Variants in ECPAS observed in about 807,000 individuals in gnomAD.
ECPAS encodes Ecm29 proteasome adaptor and scaffold, also known as proteasome adapter and scaffold protein ECM29.
In ECPAS, 70 loss-of-function variants were observed where a neutral mutation model predicts 255.1. The observed-to-expected ratio is 0.27, with a 90% CI of 0.23 to 0.33. The LOEUF (loss-of-function observed/expected upper bound fraction) is 0.33. Among genes scored for constraint, ECPAS ranks in the 10% least tolerant of loss-of-function variants. ECPAS has a pLI of 1.00. For missense variants in ECPAS, 1,817 were observed against 2,206.4 expected, an observed-to-expected ratio of 0.82 and a Z score of 3.54; for synonymous variants, 784 against 775.0, an observed-to-expected ratio of 1.01 and a Z score of -0.19.
At position 111,412,091 on chromosome 9, in the gene ECPAS, C is replaced by T. The variant is rs1369119243; in HGVS notation, c.2137G>A (p.Val713Ile). ...MRELAALFYS[V>I]VVSTVSGNEL... ...TTCCCCGACACTGTTGATACCACTA[C>T]AGAATAAAACAACGCTGCCAGTTCG... Residue 713 changes from valine (V) to isoleucine (I), a missense_variant, in exon 21 of 50, where the codon GTA becomes ATA. By Grantham distance (29) the Val-to-Ile change is conservative. Transcript: ENST00000684092. 6.3e-7 allele frequency: 1 copy of T among 1,598,198 alleles called. No individual in the cohort carries two copies. The highest frequency in any genetic ancestry group is 1.4e-5 in the African/African-American group (1 of 73,766).
chr9:111,484,303 C>T lies in ECPAS; in HGVS notation c.-270G>A, dbSNP rs1275621211. ...ATCCTCGAGGCGGGGCCGGAGCGCC[C>T]TTTTCCGAGGTCTGCGGCTGTCACG... On this transcript the variant is annotated 5_prime_UTR_variant, in exon 1 of 50. Coordinates refer to ENST00000684092, the MANE Select transcript of ECPAS (RefSeq NM_001364929.1). The T allele has an allele frequency of 3.8e-6, 6 of 1,567,230 alleles. No individual in the cohort carries two copies. The highest frequency in any genetic ancestry group is 2.3e-5 in the South Asian group (2 of 85,674).
At chr9:111,373,703 A>C (rs1303063181) in intron 39 of ECPAS, among the ~76,000 whole-genome samples, 2 of 152,216 alleles carry the variant, frequency 1.3e-5, no homozygotes, top group African/African-American at 4.8e-5. Flanking sequence ...ATCAGCTATC[A>C]ATGGTAAGTC....
rs144233410 is a variant in ECPAS, at chr9:111,400,915, G to T, written c.2653-3762C>A. ...AAAGATGAACACCCAGGTAAAAGAA[G>T]GTCAAAGAACACCAAGAAAATTCAA... On this transcript the variant is annotated intron_variant, in intron 24 of 49. Transcript: ENST00000684092. Among the ~76,000 whole-genome samples, 290 of 152,114 alleles carry T rather than the reference G, an allele frequency of 1.9e-3. 2 individuals carry two copies. Among genetic ancestry groups the T allele is most frequent in the Non-Finnish European group, 3.3e-3 (221 of 67,986 alleles).
intron 17 of ECPAS, among the ~76,000 whole-genome samples, chr9:111,417,069 G>T (rs1006448497): frequency 1.3e-5 from 2 of 151,930 alleles, no homozygotes; most frequent in African/African-American, 2.4e-5. Flanking sequence ...GCAAAACTCT[G>T]TCTCTACAAA....
In ECPAS at chr9:111,411,090, C is replaced by G. The variant is rs147862933; in HGVS notation, c.2267G>C (p.Arg756Thr). ...TCTCATTTTCTTTTTAGCCAAATAC[C>G]TTCCCACCGTGAATCCCAATGCAAG... ...SLLALGFTVGRYLAKKKMRMS... is the reference protein window; with the variant it reads ...SLLALGFTVGTYLAKKKMRMS... Residue 756 changes from arginine (R) to threonine (T), a missense_variant, in exon 22 of 50, where the codon AGG becomes ACG. Coordinates refer to ENST00000684092, the MANE Select transcript of ECPAS (RefSeq NM_001364929.1). 1 of 1,613,774 alleles carries G rather than the reference C, an allele frequency of 6.2e-7. No individual in the cohort carries two copies. Among genetic ancestry groups the G allele is most frequent in the East Asian group, 2.2e-5 (1 of 44,874 alleles).
intron 3 of ECPAS, among the ~76,000 whole-genome samples, chr9:111,445,144 C>T (rs774785651): frequency 1.3e-5 from 2 of 151,410 alleles, no homozygotes; most frequent in African/African-American, 2.4e-5. Context: ...TACAGGTACC[C>T]GCCATCACGC....
intron 2 of ECPAS, among the ~76,000 whole-genome samples, chr9:111,466,089 A>G (rs2098279181): frequency 6.6e-6 from 1 of 152,132 alleles, no homozygotes; most frequent in African/African-American, 2.4e-5. Flanking sequence ...CCATGTTTTA[A>G]AGACAAGAAA....
At chr9:111,411,985 C>CA (rs766443214) in intron 21 of ECPAS, 29 bp downstream of exon 21, 3 of 1,493,256 alleles carry the variant, frequency 2.0e-6, no homozygotes, top group Non-Finnish European at 2.7e-6. Flanking sequence ...CTATCTCCCA[C>CA]AAAAAAGAAT....
Position 111,414,516 on chromosome 9 carries a change from C to A in ECPAS, c.1900G>T (p.Ala634Ser). The change falls in exon 19 of 50, where the codon GCA (alanine) becomes TCA (serine). Residue 634 changes from alanine to serine, a missense_variant. By Grantham distance (99) the Ala-to-Ser change is moderately conservative. Around this residue, in one of 4 missense-constraint regions of ECPAS, gnomAD observed 573 missense variants for 716.2 expected, o/e 0.80. Coordinates refer to ENST00000684092, the MANE Select transcript of ECPAS (RefSeq NM_001364929.1). ...IRTLMSSGQM[A>S]PSSSNKSGET... ...CCACTCTTGTTAGATGATGAGGGTGCCATCTGCCCGCTTGACATTAAAGTC... is the reference window on the plus strand; with the variant it reads ...CCACTCTTGTTAGATGATGAGGGTGACATCTGCCCGCTTGACATTAAAGTC... 1 of 1,613,978 alleles carries A rather than the reference C, an allele frequency of 6.2e-7. No homozygotes were observed. The highest frequency in any genetic ancestry group is 8.5e-7 in the Non-Finnish European group (1 of 1,179,870).
chr9:111,470,863 T>C (rs951700569), intron 2 of ECPAS, among the ~76,000 whole-genome samples: 2 of 151,242 alleles, frequency 1.3e-5, no homozygotes, highest in Non-Finnish European at 2.9e-5. Flanking sequence ...CTAGATTTAA[T>C]GAGTAAGTGC....
intron 29 of ECPAS, among the ~76,000 whole-genome samples, chr9:111,390,819 G>A (rs928230591): frequency 6.6e-6 from 1 of 152,212 alleles, no homozygotes; most frequent in Non-Finnish European, 1.5e-5. Context: ...TCAAGCTCAA[G>A]GAATTTATTT....
intron 33 of ECPAS, 63 bp from the exon 34 acceptor site, chr9:111,384,632 A>C: frequency 2.7e-6 from 4 of 1,475,184 alleles, no homozygotes; most frequent in Non-Finnish European, 3.8e-6. Flanking sequence ...CTACTCTACA[A>C]TTTGCAATTT....
chr9:111,437,034 C>A lies in ECPAS; in HGVS notation c.614G>T (p.Gly205Val). 1 of 1,613,046 alleles carries A rather than the reference C, an allele frequency of 6.2e-7. No individual in the cohort carries two copies. Among genetic ancestry groups the A allele is most frequent in the Non-Finnish European group, 8.5e-7 (1 of 1,179,576 alleles). The change falls in exon 7 of 50, where the codon GGT becomes GTT. Residue 205 changes from glycine to valine, a missense_variant. Physicochemically the swap from Gly to Val is moderately radical, Grantham distance 109. Transcript: ENST00000684092. ...CGGAGGAGGCTGTGGGATTCCAGAACCTCCGCCACTGTTTGAAGAAGAACC... is the reference window on the plus strand; with the variant it reads ...CGGAGGAGGCTGTGGGATTCCAGAAACTCCGCCACTGTTTGAAGAAGAACC... Reference protein sequence around the residue: ...AQGSSSNSGGGSGIPQPPPGM... With the variant: ...AQGSSSNSGGVSGIPQPPPGM...
At chr9:111,412,211 A>T (rs961278093) in intron 20 of ECPAS, 63 bp from the exon 21 acceptor site, 1 of 1,353,062 alleles carries the variant, frequency 7.4e-7, no homozygotes, top group Non-Finnish European at 9.7e-7. Flanking sequence ...TGATGACAAC[A>T]TCTTTTAAAA....
chr9:111,381,890 TCTC>T (rs1404091145), intron 35 of ECPAS, among the ~76,000 whole-genome samples: 18 of 152,070 alleles, frequency 1.2e-4, no homozygotes, highest in African/African-American at 3.1e-4. Context: ...CAGTCTCCAC[TCTC>T]CTCTTTTTTT....
intron 26 of ECPAS, among the ~76,000 whole-genome samples, 164 bp downstream of exon 26, chr9:111,393,996 C>A (rs758669983): frequency 1.6e-4 from 25 of 152,228 alleles, no homozygotes; most frequent in Non-Finnish European, 3.2e-4. Flanking sequence ...AGGCTAGAAT[C>A]ATCTTCCAGC....
intron 3 of ECPAS, among the ~76,000 whole-genome samples, chr9:111,445,673 TTTTG>T (rs976736827): frequency 1.6e-4 from 24 of 152,082 alleles, no homozygotes; most frequent in East Asian, 5.8e-4. Context: ...GGGAGTTGTT[TTTTG>T]TTTGTTTGTT....
At chr9:111,448,727 C>CT (rs1299755445) in intron 3 of ECPAS, among the ~76,000 whole-genome samples, 20 of 152,178 alleles carry the variant, frequency 1.3e-4, no homozygotes, top group African/African-American at 4.8e-4. Flanking sequence ...CTTTGAAGGA[C>CT]TGTAACATTT....
chr9:111,379,004 T>G (rs2098137069), intron 35 of ECPAS, among the ~76,000 whole-genome samples: 1 of 151,766 alleles, frequency 6.6e-6, no homozygotes, highest in South Asian at 2.1e-4. Flanking sequence ...GGAATTTATA[T>G]TTATAGTGAA....
Sources: gnomAD v4.1 joint callset for allele counts (sites outside exome capture counted in the v4.1 genomes callset) on GRCh38, gnomAD v4.1.1 for gene constraint, gnomAD v4.1.1 regional missense constraint, MANE v1.5 for transcripts, NCBI Gene and HGNC (gene_info 2026-07-23, HGNC 2026-07-21) for gene names.